Variants in PLXNA2 observed in about 807,000 individuals in gnomAD.
PLXNA2 encodes the protein plexin A2, also known as plexin-A2.
In PLXNA2, 91 loss-of-function variants were observed where a neutral mutation model predicts 193.5. The ratio of observed to expected loss-of-function variants is 0.47; its 90% CI spans 0.40 to 0.56. The LOEUF (loss-of-function observed/expected upper bound fraction) is 0.56, where lower values mean the gene tolerates loss of function less well. PLXNA2 is among the 20% of genes least tolerant of loss of function. The pLI, the probability that PLXNA2 is intolerant of heterozygous loss-of-function variation, is 0.00. For synonymous variants in PLXNA2, 997 were observed against 1,027.3 expected, an observed-to-expected ratio of 0.97 and a Z score of 0.56; for missense variants, 1,995 against 2,503.2, an observed-to-expected ratio of 0.80 and a Z score of 4.33.
chr1:208,233,482 G>C (rs1671755011), intron 1 of PLXNA2, among the ~76,000 whole-genome samples: 1 of 152,218 alleles, frequency 6.6e-6, no homozygotes, highest in Admixed American at 6.5e-5. Flanking sequence ...GGAAAATTTG[G>C]CCAAGGAAGC....
In PLXNA2 at chr1:208,103,149, G is replaced by A. The variant is rs141250953; in HGVS notation, c.1605C>T (p.Asn535=). The change falls in exon 5 of 32, where the codon AAC becomes AAT. Residue 535 remains asparagine, a splice_region_variant and synonymous_variant. Coordinates refer to ENST00000367033, the MANE Select transcript of PLXNA2 (RefSeq NM_025179.4). ...TTTCCAGTATACCCCAAACTTACAT[G>A]TTGTGCAGGGCACACCAGCCACAGT... The part of the protein sequence containing the change: ...DPHCGWCALH[N]MCSRRDKCQQ... The A allele has an allele frequency of 1.9e-6, 3 of 1,612,246 alleles. No individual in the cohort carries two copies. Among genetic ancestry groups the A allele is most frequent in the Non-Finnish European group, 2.5e-6 (3 of 1,178,424 alleles).
chr1:208,122,853 G>A (rs1667848218), intron 4 of PLXNA2, among the ~76,000 whole-genome samples: 1 of 152,102 alleles, frequency 6.6e-6, no homozygotes, highest in Non-Finnish European at 1.5e-5. Flanking sequence ...GGGAAGGAGA[G>A]GTGCTGGAAT....
intron 1 of PLXNA2, among the ~76,000 whole-genome samples, chr1:208,228,418 A>G (rs1346820827): frequency 6.6e-6 from 1 of 152,162 alleles, no homozygotes; most frequent in Non-Finnish European, 1.5e-5. Context: ...AATGCTTGTA[A>G]GACAGTGACA....
At chr1:208,189,381 G>A (rs1670104439) in intron 3 of PLXNA2, among the ~76,000 whole-genome samples, 1 of 152,096 alleles carries the variant, frequency 6.6e-6, no homozygotes, top group Admixed American at 6.6e-5. Context: ...TCAAGGGCCT[G>A]GGCTGAGCTA....
chr1:208,056,529 C>T (rs543315450), intron 13 of PLXNA2, among the ~76,000 whole-genome samples: 2 of 152,220 alleles, frequency 1.3e-5, no homozygotes, highest in South Asian at 4.1e-4. Context: ...GGTCAGCTGC[C>T]CCTGTGTGGA....
Position 208,026,923 on chromosome 1 carries a change from G to A in PLXNA2, c.*320C>T, listed in dbSNP as rs1040208702. On this transcript the variant is annotated 3_prime_UTR_variant, in exon 32 of 32. Transcript: ENST00000367033. ...TATTTCCCCAATATACATCAAATGA[G>A]TTTTCATGCAAAGCAGCAGTCACAG... 1 of 220,196 alleles carries A rather than the reference G, an allele frequency of 4.5e-6. No individual in the cohort carries two copies. Among genetic ancestry groups the A allele is most frequent in the African/African-American group, 2.3e-5 (1 of 44,180 alleles). The allele number at this position is 220,196 out of a possible 1,614,324, so 13.6% of individuals were successfully genotyped here. A position where few individuals can be genotyped will look rare whatever the true frequency, so the allele number is the denominator to read the frequency against.
intron 8 of PLXNA2, among the ~76,000 whole-genome samples, chr1:208,093,839 T>C (rs1345521756): frequency 4.6e-5 from 7 of 152,148 alleles, no homozygotes; most frequent in Non-Finnish European, 8.8e-5. Flanking sequence ...GAAATGGGTT[T>C]TGTAGGGGGG....
At chr1:208,224,007 C>T (rs936580553) in intron 1 of PLXNA2, among the ~76,000 whole-genome samples, 2 of 152,130 alleles carry the variant, frequency 1.3e-5, no homozygotes, top group African/African-American at 2.4e-5. Context: ...ATCTTTTCCC[C>T]GTGGGTGGAA....
In PLXNA2 at chr1:208,025,667, C is replaced by T. The variant is rs1450413891; in HGVS notation, c.*1576G>A. The T allele has an allele frequency of 6.6e-6, 1 of 152,256 alleles. No homozygotes were observed. Among genetic ancestry groups the T allele is most frequent in the African/African-American group, 2.4e-5 (1 of 41,442 alleles). 9.4% of individuals were successfully genotyped at this position (152,256 alleles called of 1,614,324 possible). A position where few individuals can be genotyped will look rare whatever the true frequency, so the allele number is the denominator to read the frequency against. On this transcript the variant is annotated 3_prime_UTR_variant, in exon 32 of 32. Transcript: ENST00000367033. The stretch of plus-strand genomic sequence containing the variant: ...TCCTGGCCACCAAGGTCCTGACACT[C>T]ACAGAGCGCCTTTCCTCTCGATGAC...
At position 208,217,502 on chromosome 1, in the gene PLXNA2, G is replaced by T; in HGVS notation, c.421C>A (p.Arg141=). The T allele has an allele frequency of 6.2e-7, 1 of 1,614,222 alleles. No homozygotes were observed. Among genetic ancestry groups the T allele is most frequent in the Non-Finnish European group, 8.5e-7 (1 of 1,180,044 alleles). The change falls in exon 2 of 32, where the codon CGG becomes AGG. Residue 141 remains arginine (R), a synonymous_variant. Transcript: ENST00000367033. This position sits in a 1 kb window ranked among gnomAD's most constrained non-coding sequence, Gnocchi z 4.7. ...ACCAGGATGAAGAGGTCATCCAGCC[G>T]CAGCAGCTTGCAGACCCCCTGGTAG... ...SLYQGVCKLL[R]LDDLFILVEP...
Position 208,084,550 on chromosome 1 carries a change from TCTC to T in PLXNA2, c.2125_2127del (p.Glu709del). ...TTTACCTCCCCGACTGGAATCAAGA[TCTC>T]CTCTGTGGGCACCAGCTGGGGACAG... On this transcript the variant is annotated inframe_deletion, in exon 10 of 32. Transcript: ENST00000367033. The T allele has an allele frequency of 6.2e-7, 1 of 1,614,130 alleles. No individual in the cohort carries two copies. The highest frequency in any genetic ancestry group is 8.5e-7 in the Non-Finnish European group (1 of 1,180,016).
intron 3 of PLXNA2, among the ~76,000 whole-genome samples, chr1:208,178,254 T>C (rs1459897372): frequency 6.6e-6 from 1 of 152,158 alleles, no homozygotes; most frequent in Non-Finnish European, 1.5e-5. Flanking sequence ...AAGCCTTGCT[T>C]TGAAAATTAA....
intron 1 of PLXNA2, among the ~76,000 whole-genome samples, chr1:208,232,516 T>A (rs1422786273): frequency 6.6e-6 from 1 of 152,242 alleles, no homozygotes; most frequent in African/African-American, 2.4e-5. Flanking sequence ...TTTTTAACAC[T>A]GACTTTCGTT....
chr1:208,151,792 C>T (rs1668771914), intron 3 of PLXNA2, among the ~76,000 whole-genome samples: 1 of 152,208 alleles, frequency 6.6e-6, no homozygotes, highest in African/African-American at 2.4e-5. Flanking sequence ...CAGAGTGAAA[C>T]TCGAAGCTGA....
chr1:208,090,306 C>A (rs558101817), intron 9 of PLXNA2, among the ~76,000 whole-genome samples: 6 of 152,292 alleles, frequency 3.9e-5, no homozygotes, highest in African/African-American at 1.2e-4. Flanking sequence ...TCTTCTCTAA[C>A]CCTAAGCCAC....
At chr1:208,170,685 T>C (rs915393307) in intron 3 of PLXNA2, among the ~76,000 whole-genome samples, 5 of 152,230 alleles carry the variant, frequency 3.3e-5, no homozygotes, top group Non-Finnish European at 7.3e-5. Context: ...GCCTTTGAAG[T>C]AGGAATAAGT....
At chr1:208,065,637 C>G (rs1297348448) in intron 12 of PLXNA2, among the ~76,000 whole-genome samples, 1 of 152,164 alleles carries the variant, frequency 6.6e-6, no homozygotes, top group African/African-American at 2.4e-5. Flanking sequence ...AAGGGCAGCA[C>G]ATGGATGAGG....
At chr1:208,054,836 A>C (rs867507952) in intron 13 of PLXNA2, among the ~76,000 whole-genome samples, 4 of 152,220 alleles carry the variant, frequency 2.6e-5, no homozygotes, top group Non-Finnish European at 5.9e-5. Context: ...TGCCTAGCGC[A>C]GTGCCTGGCA....
At chr1:208,148,781 G>A (rs1558216220) in intron 3 of PLXNA2, among the ~76,000 whole-genome samples, 1 of 152,176 alleles carries the variant, frequency 6.6e-6, no homozygotes, top group South Asian at 2.1e-4. Flanking sequence ...CACGGGGGGC[G>A]GAGCAGCATC....
Sources: allele counts gnomAD v4.1 joint callset (sites outside exome capture counted in the v4.1 genomes callset), GRCh38; gene constraint gnomAD v4.1.1; non-coding constraint Gnocchi (gnomAD v3.1); transcripts MANE v1.5; gene names NCBI Gene and HGNC (gene_info 2026-07-23, HGNC 2026-07-21).